The following RPS6KA5 variants were observed in gnomAD, a reference collection of about 807,000 sequenced individuals.
RPS6KA5 encodes the protein ribosomal protein S6 kinase A5.
Under a neutral mutation model 85.5 loss-of-function variants are expected in RPS6KA5, and 27 were observed. The observed-to-expected ratio is 0.32, with a 90% CI of 0.23 to 0.44. RPS6KA5 has a LOEUF of 0.44. Among genes scored for constraint, RPS6KA5 ranks in the 20% least tolerant of loss-of-function variants. The pLI is 1.00. For missense variants in RPS6KA5, 811 were observed against 980.9 expected (o/e 0.83, Z 2.31); for synonymous variants, 334 against 348.2 (o/e 0.96, Z 0.46).
chr14:90,848,342 C>T lies in RPS6KA5; in HGVS notation c.*23732G>A, dbSNP rs1409083351. The stretch of plus-strand genomic sequence containing the variant: ...GAAGGGAACATGGAACATTAGCCCT[C>T]CTAAACAATTCCAGAAGAGGGAAGT... On this transcript the variant is annotated 3_prime_UTR_variant, in exon 17 of 17. Coordinates refer to ENST00000614987, the MANE Select transcript of RPS6KA5 (RefSeq NM_004755.4). 1.3e-5 allele frequency: 2 copies of T among 152,128 alleles called. No homozygotes were observed. The highest frequency in any genetic ancestry group is 2.4e-5 in the African/African-American group (1 of 41,432). The allele number at this position is 152,128 out of a possible 1,614,324, so 9.4% of individuals were successfully genotyped here. A position where few individuals can be genotyped will look rare whatever the true frequency, so the allele number is the denominator to read the frequency against.
intron 1 of RPS6KA5, among the ~76,000 whole-genome samples, chr14:91,003,784 A>C (rs1014564597): frequency 6.6e-6 from 1 of 152,230 alleles, no homozygotes; most frequent in African/African-American, 2.4e-5. Context: ...AGGAAAACTC[A>C]AGAATGCTGG....
At chr14:90,927,377 T>C (rs2036729591) in intron 5 of RPS6KA5, among the ~76,000 whole-genome samples, 1 of 152,072 alleles carries the variant, frequency 6.6e-6, no homozygotes. Context: ...GTAATCATAA[T>C]ATACAGGTAT....
At chr14:91,019,925 A>G (rs558068825) in intron 1 of RPS6KA5, among the ~76,000 whole-genome samples, 2 of 152,328 alleles carry the variant, frequency 1.3e-5, no homozygotes, top group Non-Finnish European at 2.9e-5. Flanking sequence ...GTGCTTACTC[A>G]AACCTAGATG....
intron 5 of RPS6KA5, among the ~76,000 whole-genome samples, chr14:90,940,356 A>C (rs2037502492): frequency 6.6e-6 from 1 of 152,118 alleles, no homozygotes; most frequent in Admixed American, 6.6e-5. Context: ...ATGGTATTTG[A>C]CTGGATCTCC....
In RPS6KA5 at chr14:90,890,593, T is replaced by G; in HGVS notation, c.1730A>C (p.Gln577Pro). 1 of 1,614,208 alleles carries G rather than the reference T, an allele frequency of 6.2e-7. No homozygotes were observed. The highest frequency in any genetic ancestry group is 8.5e-7 in the Non-Finnish European group (1 of 1,180,006). ...GGTGAAGCATGGAGTCTTCAGGGGC[T>G]GATTATCCGGTGGCTTTAGCCGTGC... ...GFARLKPPDN[Q>P]PLKTPCFTLH... Residue 577 changes from glutamine (Q) to proline (P), a missense_variant, in exon 14 of 17, where the codon CAG (glutamine) becomes CCG (proline). By Grantham distance (76) the Gln-to-Pro change is moderately conservative. This residue lies in a region of RPS6KA5 where 650 missense variants were observed against 793.4 expected (regional missense o/e 0.82). Coordinates refer to ENST00000614987, the MANE Select transcript of RPS6KA5 (RefSeq NM_004755.4).
At chr14:90,917,302 A>T (rs2036167877) in intron 7 of RPS6KA5, among the ~76,000 whole-genome samples, 1 of 152,234 alleles carries the variant, frequency 6.6e-6, no homozygotes. Flanking sequence ...AACAGTGAGA[A>T]ATCATTTACT....
chr14:90,934,089 T>C (rs888320509), intron 5 of RPS6KA5, among the ~76,000 whole-genome samples: 1 of 152,226 alleles, frequency 6.6e-6, no homozygotes, highest in African/African-American at 2.4e-5. Flanking sequence ...TATTGCTATC[T>C]AACATACTAC....
intron 14 of RPS6KA5, among the ~76,000 whole-genome samples, chr14:90,885,994 T>A (rs900765427): frequency 1.3e-5 from 2 of 151,938 alleles, no homozygotes; most frequent in Admixed American, 6.6e-5. Flanking sequence ...TAGTTGATTA[T>A]CTAGAAATAT....
At chr14:90,931,481 T>C (rs1052396838) in intron 5 of RPS6KA5, among the ~76,000 whole-genome samples, 2 of 152,132 alleles carry the variant, frequency 1.3e-5, no homozygotes, top group Non-Finnish European at 2.9e-5. Flanking sequence ...CTGAACCATA[T>C]ATTCACAAAC....
chr14:90,878,939 G>C (rs1030535276), intron 14 of RPS6KA5, among the ~76,000 whole-genome samples: 2 of 152,226 alleles, frequency 1.3e-5, no homozygotes, highest in Non-Finnish European at 2.9e-5. Flanking sequence ...CAGTTGCTCT[G>C]ATTGTACTAC....
chr14:90,883,125 C>T (rs188601900), intron 14 of RPS6KA5, among the ~76,000 whole-genome samples: 20 of 152,200 alleles, frequency 1.3e-4, no homozygotes, highest in Non-Finnish European at 1.5e-5. Flanking sequence ...GTTAGTCTTA[C>T]TTGAATTTTG....
intron 1 of RPS6KA5, among the ~76,000 whole-genome samples, chr14:91,047,414 A>C (rs956761748): frequency 1.2e-4 from 19 of 152,378 alleles, no homozygotes; most frequent in African/African-American, 4.1e-4. Context: ...GGTCAAAAGC[A>C]GCACAGCTAG....
At chr14:91,016,925 G>A (rs1167932269) in intron 1 of RPS6KA5, among the ~76,000 whole-genome samples, 4 of 150,458 alleles carry the variant, frequency 2.7e-5, no homozygotes, top group Non-Finnish European at 5.9e-5. Flanking sequence ...GCCCACCAAA[G>A]GATGACCTCA....
In RPS6KA5 at chr14:90,861,492, A is replaced by C. The variant is rs1250357647; in HGVS notation, c.*10582T>G. Reference sequence around the variant, plus strand: ...AGCCGAGATCCCGCCACTGCACTCCAGCCTGGGCGACAGAGCGAGACTCTG... The same window carrying C: ...AGCCGAGATCCCGCCACTGCACTCCCGCCTGGGCGACAGAGCGAGACTCTG... On this transcript the variant is annotated 3_prime_UTR_variant, in exon 17 of 17. Coordinates refer to ENST00000614987, the MANE Select transcript of RPS6KA5 (RefSeq NM_004755.4). 1 of 149,748 alleles carries C rather than the reference A, an allele frequency of 6.7e-6. No individual in the cohort carries two copies. The highest frequency in any genetic ancestry group is 1.5e-5 in the Non-Finnish European group (1 of 67,240). The allele number at this position is 149,748 out of a possible 1,614,324, so 9.3% of individuals were successfully genotyped here.
intron 3 of RPS6KA5, among the ~76,000 whole-genome samples, chr14:90,974,060 T>C (rs927391): frequency 1.3e-5 from 1 of 74,336 alleles, no homozygotes; most frequent in African/African-American, 4.2e-5. Context: ...AAAAAAAAAA[T>C]AGTGTCCAAA....
intron 1 of RPS6KA5, among the ~76,000 whole-genome samples, chr14:91,001,484 G>C (rs1224219368): frequency 6.6e-6 from 1 of 152,146 alleles, no homozygotes; most frequent in Non-Finnish European, 1.5e-5. Context: ...TAGATACATA[G>C]TGGGGAAAAA....
rs1443034067 is a variant in RPS6KA5 at position 90,852,564 on chromosome 14, C to T, written c.*19510G>A. 6.6e-6 allele frequency: 1 copy of T among 152,106 alleles called. No individual in the cohort carries two copies. Among genetic ancestry groups the T allele is most frequent in the African/African-American group, 2.4e-5 (1 of 41,410 alleles). 9.4% of individuals were successfully genotyped at this position (152,106 alleles called of 1,614,324 possible). A position where few individuals can be genotyped will look rare whatever the true frequency, so the allele number is the denominator to read the frequency against. ...AGGGAAAAACAGCATCTGATATGTG[C>T]ACCCTATTGTAAAGAATTGGTATTT... is the stretch of plus-strand genomic sequence containing the variant. On this transcript the variant is annotated 3_prime_UTR_variant, in exon 17 of 17. Transcript: ENST00000614987.
chr14:90,916,410 ATAACT>A (rs768055513), intron 7 of RPS6KA5, among the ~76,000 whole-genome samples: 1 of 152,236 alleles, frequency 6.6e-6, no homozygotes, highest in Admixed American at 6.5e-5. Context: ...TGGCGAACAG[ATAACT>A]TAAATAATAC....
intron 1 of RPS6KA5, among the ~76,000 whole-genome samples, chr14:91,035,956 GA>G (rs10689832): frequency 1.1e-4 from 15 of 133,450 alleles, no homozygotes; most frequent in Admixed American, 1.5e-4. Context: ...CTTAGGGTAT[GA>G]AAAAAAAAAA....
Sources: allele counts gnomAD v4.1 joint callset (sites outside exome capture counted in the v4.1 genomes callset), GRCh38; gene constraint gnomAD v4.1.1; regional missense constraint gnomAD v4.1.1; transcripts MANE v1.5; gene names NCBI Gene and HGNC (gene_info 2026-07-23, HGNC 2026-07-21).